The following RAPGEF4 variants were observed in gnomAD, a reference collection of about 807,000 sequenced individuals.
The protein encoded by RAPGEF4 is Rap guanine nucleotide exchange factor 4, also known as RAP guanine-nucleotide-exchange factor (GEF) 4.
A neutral mutation model predicts 147.9 loss-of-function variants in RAPGEF4; 66 were observed. The ratio of observed to expected loss-of-function variants is 0.45; its 90% CI spans 0.37 to 0.55. The LOEUF is 0.55. Among genes scored for constraint, RAPGEF4 ranks in the 20% least tolerant of loss-of-function variants. RAPGEF4 has a pLI of 0.00. For missense variants in RAPGEF4, 1,071 were observed against 1,257.3 expected (o/e 0.85, Z 2.24); for synonymous variants, 419 against 442.7 (o/e 0.95, Z 0.67).
chr2:172,881,872 A>G (rs1696672364), intron 4 of RAPGEF4, among the ~76,000 whole-genome samples: 1 of 152,196 alleles, frequency 6.6e-6, no homozygotes, highest in South Asian at 2.1e-4. Context: ...ACATTTTCTA[A>G]AACTGTTGTG....
At chr2:172,893,722 G>A (rs993469421) in intron 4 of RAPGEF4, 1 of 152,196 alleles carries the variant, frequency 6.6e-6, no homozygotes, top group African/African-American at 2.4e-5. Flanking sequence ...CTCCAGGAAT[G>A]CCTGCAATTC....
At position 172,746,169 on chromosome 2, in the gene RAPGEF4, G is replaced by A. The variant is rs1461574013; in HGVS notation, c.65+10121G>A. 2.6e-5 allele frequency among the ~76,000 whole-genome samples: 4 copies of A among 152,150 alleles called. No homozygotes were observed. In the East Asian group the frequency reaches 7.7e-4, roughly 29 times the overall value. ...GGAATCATTCTATTCTGTGTTGTTG[G>A]CTGAATGAAGAGTAATAAGACTTTG... On this transcript the variant is annotated intron_variant, in intron 1 of 30. Coordinates refer to ENST00000397081, the MANE Select transcript of RAPGEF4 (RefSeq NM_007023.4).
Position 173,014,554 on chromosome 2 carries a change from G to A in RAPGEF4, c.1749G>A (p.Gln583=), listed in dbSNP as rs765370984. The A allele has an allele frequency of 1.2e-5, 19 of 1,614,074 alleles. No individual in the cohort carries two copies. Among genetic ancestry groups the A allele is most frequent in the Non-Finnish European group, 1.4e-5 (17 of 1,180,018 alleles). ...GGCGAGTCATCCGCCTGGTTCTACA[G>A]TGGGCTGCCATGTATGGAGACCTCC... The part of the protein sequence containing the change: ...NKRRVIRLVL[Q]WAAMYGDLLQ... Residue 583 remains glutamine (Q), a synonymous_variant, in exon 18 of 31, where the codon CAG becomes CAA. Transcript: ENST00000397081.
At chr2:172,802,560 C>A (rs763926468) in intron 3 of RAPGEF4, among the ~76,000 whole-genome samples, 2 of 152,178 alleles carry the variant, frequency 1.3e-5, no homozygotes, top group Non-Finnish European at 2.9e-5. Context: ...AGTTATAATT[C>A]AAGGTGAGAT....
intron 10 of RAPGEF4, among the ~76,000 whole-genome samples, chr2:172,978,219 G>A (rs1691304670): frequency 6.6e-6 from 1 of 152,150 alleles, no homozygotes; most frequent in Admixed American, 6.5e-5. Flanking sequence ...AGCTTCCCCT[G>A]GAAATGCTGG....
chr2:172,952,078 A>G (rs1225685191), intron 6 of RAPGEF4, among the ~76,000 whole-genome samples: 1 of 152,200 alleles, frequency 6.6e-6, no homozygotes. Flanking sequence ...TTACACAATC[A>G]TAGCTCACTG....
chr2:173,013,753 C>T (rs186144866), intron 17 of RAPGEF4, among the ~76,000 whole-genome samples: 14 of 152,254 alleles, frequency 9.2e-5, no homozygotes, highest in African/African-American at 2.9e-4. Flanking sequence ...GGACAAATGA[C>T]CATCATCCCA....
intron 29 of RAPGEF4, chr2:173,048,291 A>G (rs1265847046): frequency 1.1e-5 from 3 of 282,886 alleles, no homozygotes; most frequent in Admixed American, 5.6e-5. Context: ...TCAAGAAAGG[A>G]TGGTGAAAAA....
intron 4 of RAPGEF4, among the ~76,000 whole-genome samples, chr2:172,874,451 A>C (rs1254479462): frequency 6.6e-6 from 1 of 151,758 alleles, no homozygotes; most frequent in Non-Finnish European, 1.5e-5. Context: ...TCCTGTGTCC[A>C]AGTGTTCTCA....
intron 1 of RAPGEF4, among the ~76,000 whole-genome samples, chr2:172,767,675 C>A (rs1696978728): frequency 6.6e-6 from 1 of 151,992 alleles, no homozygotes; most frequent in Non-Finnish European, 1.5e-5. Context: ...TTTTTATTTT[C>A]AAAACTTTAG....
intron 1 of RAPGEF4, among the ~76,000 whole-genome samples, chr2:172,741,499 GT>G (rs1694292772): frequency 6.6e-6 from 1 of 152,048 alleles, no homozygotes; most frequent in Non-Finnish European, 1.5e-5. Flanking sequence ...CTTCTTCTAT[GT>G]TTTTTGGCTA....
chr2:172,800,180 A>G (rs998255475), intron 3 of RAPGEF4, among the ~76,000 whole-genome samples: 1 of 152,184 alleles, frequency 6.6e-6, no homozygotes, highest in South Asian at 2.1e-4. Flanking sequence ...TCATCCCACA[A>G]TGTTCAACCA....
intron 6 of RAPGEF4, among the ~76,000 whole-genome samples, chr2:172,954,164 C>T (rs1688499748): frequency 6.6e-6 from 1 of 152,128 alleles, no homozygotes; most frequent in African/African-American, 2.4e-5. Context: ...TGAAAACGCC[C>T]CATCCCCAGG....
At chr2:172,915,439 G>A (rs572948434) in intron 4 of RAPGEF4, among the ~76,000 whole-genome samples, 2 of 152,214 alleles carry the variant, frequency 1.3e-5, no homozygotes, top group Non-Finnish European at 2.9e-5. Context: ...GGTGGCTCAA[G>A]CCTGTAATCC....
rs377161193 is a variant in RAPGEF4 at position 172,746,411 on chromosome 2, A to G, written c.65+10363A>G. 1.4e-3 allele frequency among the ~76,000 whole-genome samples: 212 copies of G among 152,326 alleles called. 1 individual carries two copies. Among genetic ancestry groups the G allele is most frequent in the African/African-American group, 4.7e-3 (196 of 41,570 alleles). ...CTAACAAATAGACAAATGGTGGTCA[A>G]GAGCCCACAGGTAATGCTACAGAAC... On this transcript the variant is annotated intron_variant, in intron 1 of 30. Coordinates refer to ENST00000397081, the MANE Select transcript of RAPGEF4 (RefSeq NM_007023.4).
chr2:172,913,194 C>T (rs967201108), intron 4 of RAPGEF4, among the ~76,000 whole-genome samples: 2 of 152,132 alleles, frequency 1.3e-5, no homozygotes, highest in Admixed American at 1.3e-4. Context: ...CTGCGCCCAG[C>T]CCTCACTCTT....
intron 16 of RAPGEF4, among the ~76,000 whole-genome samples, chr2:173,000,597 C>CT (rs1159127017): frequency 6.6e-6 from 1 of 152,152 alleles, no homozygotes; most frequent in African/African-American, 2.4e-5. Context: ...CCTTACTTCC[C>CT]TTGCCAACCC....
At chr2:172,798,610 C>T (rs938152295) in intron 3 of RAPGEF4, among the ~76,000 whole-genome samples, 1 of 107,194 alleles carries the variant, frequency 9.3e-6, no homozygotes, top group Non-Finnish European at 2.1e-5. Flanking sequence ...AACCTTCTGC[C>T]AAGTGTCATA....
chr2:172,808,474 G>A (rs1232493889), intron 3 of RAPGEF4, among the ~76,000 whole-genome samples: 2 of 152,122 alleles, frequency 1.3e-5, no homozygotes, highest in African/African-American at 4.8e-5. Context: ...ATCATTAGTT[G>A]AAGATTAACA....
Sources: gnomAD v4.1 joint callset for allele counts (sites outside exome capture counted in the v4.1 genomes callset) on GRCh38, gnomAD v4.1.1 for gene constraint, MANE v1.5 for transcripts, NCBI Gene and HGNC (gene_info 2026-07-23, HGNC 2026-07-21) for gene names.